PWP1: variants seen among roughly 807,000 people sequenced by gnomAD.
PWP1 encodes the protein PWP1 homolog, endonuclein.
In PWP1, 47 loss-of-function variants were observed where a neutral mutation model predicts 69.9. That is an observed-to-expected ratio of 0.67 (90% CI 0.53 to 0.86). The LOEUF (loss-of-function observed/expected upper bound fraction) is 0.86. PWP1 is among the 40% of genes least tolerant of loss of function. PWP1 has a pLI of 0.00. For missense variants in PWP1, 551 were observed against 608.8 expected, an observed-to-expected ratio of 0.91 and a Z score of 1.00; for synonymous variants, 222 against 208.2, an observed-to-expected ratio of 1.07 and a Z score of -0.57.
chr12:107,708,585 T>G (rs3825257), intron 11 of PWP1, among the ~76,000 whole-genome samples: 1 of 152,004 alleles, frequency 6.6e-6, no homozygotes, highest in African/African-American at 2.4e-5. Flanking sequence ...CCTCTCTGAC[T>G]CACTTCTGTG....
chr12:107,692,710 A>G, intron 3 of PWP1, 104 bp from the exon 4 acceptor site: 3 of 964,122 alleles, frequency 3.1e-6, no homozygotes, highest in Non-Finnish European at 4.6e-6. Flanking sequence ...AGAGTTAGTT[A>G]TAAAATAGAT....
chr12:107,704,207 C>T (rs1889768305), intron 10 of PWP1, among the ~76,000 whole-genome samples: 1 of 152,190 alleles, frequency 6.6e-6, no homozygotes, highest in African/African-American at 2.4e-5. Context: ...GATATGTTTA[C>T]ATTTCTTGTG....
intron 11 of PWP1, among the ~76,000 whole-genome samples, chr12:107,707,756 G>A (rs1317367074): frequency 6.6e-6 from 1 of 152,138 alleles, no homozygotes; most frequent in Non-Finnish European, 1.5e-5. Context: ...AAGCCCACTT[G>A]ATCATGGTGG....
chr12:107,687,172 T>C (rs1458362819), intron 1 of PWP1, among the ~76,000 whole-genome samples: 1 of 152,072 alleles, frequency 6.6e-6, no homozygotes, highest in East Asian at 1.9e-4. Flanking sequence ...GAATGACGGA[T>C]TGGAGTAGTC....
At chr12:107,698,344 G>A (rs751371760) in intron 7 of PWP1, among the ~76,000 whole-genome samples, 5 of 151,896 alleles carry the variant, frequency 3.3e-5, no homozygotes, top group African/African-American at 9.7e-5. Context: ...GTGACAGAGC[G>A]AGACTCTGTC....
At chr12:107,694,510 G>T (rs757877458) in intron 5 of PWP1, among the ~76,000 whole-genome samples, 3 of 152,284 alleles carry the variant, frequency 2.0e-5, no homozygotes, top group Middle Eastern at 3.4e-3. Flanking sequence ...CTATAGATTA[G>T]GCCCATTTTA....
At chr12:107,708,898 G>T in intron 11 of PWP1, 28 bp from the exon 12 acceptor site, 2 of 1,594,804 alleles carry the variant, frequency 1.3e-6, no homozygotes, top group South Asian at 1.1e-5. Context: ...GACGTAGCAT[G>T]ACCTTGCCCA....
rs543920809 is a variant in PWP1, at chr12:107,709,145, C to A, written c.1203C>A (p.Leu401=). 3.1e-6 allele frequency: 5 copies of A among 1,613,860 alleles called. No homozygotes were observed. The highest frequency in any genetic ancestry group is 4.2e-6 in the Non-Finnish European group (5 of 1,179,920). Residue 401 remains leucine (L), a synonymous_variant, in exon 13 of 15, where the codon CTC becomes CTA. Transcript: ENST00000412830. ...LDLSSQIKGC[L]VTASADKYVK... is the part of the protein sequence containing the mutation. ...TTAGCAGTCAAATCAAGGGCTGTCT[C>A]GTGACTGCTTCAGCTGACAAATACG...
chr12:107,693,288 G>A (rs757463509), intron 5 of PWP1, among the ~76,000 whole-genome samples, 192 bp downstream of exon 5: 4 of 151,926 alleles, frequency 2.6e-5, no homozygotes, highest in Non-Finnish European at 5.9e-5. Context: ...CATCACTTTG[G>A]TATCTGAATT....
intron 13 of PWP1, 32 bp from the exon 14 acceptor site, chr12:107,710,373 T>C (rs767732374): frequency 6.1e-5 from 98 of 1,610,126 alleles, no homozygotes; most frequent in Non-Finnish European, 7.6e-5. Flanking sequence ...TCTGAAGAGA[T>C]TGAAATCACC....
At position 107,696,455 on chromosome 12, in the gene PWP1, CTT is replaced by C. The variant is rs1388060450; in HGVS notation, c.503-16_503-15del. On this transcript the variant is annotated splice_polypyrimidine_tract_variant and intron_variant, in intron 5 of 14. Transcript: ENST00000412830. The stretch of plus-strand genomic sequence containing the variant: ...GACTCATTCTGATACATTAAAGTCT[CTT>C]TTCCCAATCTTTTCAGTTTATAATC... The C allele has an allele frequency of 2.5e-6, 4 of 1,607,716 alleles. No individual in the cohort carries two copies. The highest frequency in any genetic ancestry group is 3.4e-6 in the Non-Finnish European group (4 of 1,178,258).
rs535533104 is a variant in PWP1, at chr12:107,687,374, A to G, written c.73-1074A>G. Among the ~76,000 whole-genome samples the G allele has an allele frequency of 1.1e-3, 160 of 152,224 alleles. 2 individuals are homozygous for G. The highest frequency in any genetic ancestry group is 0.01 in the Admixed American group (159 of 15,290). ...TCAAATACTTGAAGACTGATTTCCAAATGAATCTACACATTGAAAATCTCA... is the reference window on the plus strand; with the variant it reads ...TCAAATACTTGAAGACTGATTTCCAGATGAATCTACACATTGAAAATCTCA... On this transcript the variant is annotated intron_variant, in intron 1 of 14. Coordinates refer to ENST00000412830, the MANE Select transcript of PWP1 (RefSeq NM_007062.3).
intron 3 of PWP1, among the ~76,000 whole-genome samples, chr12:107,691,789 C>T (rs144046612): frequency 6.6e-6 from 1 of 152,122 alleles, no homozygotes; most frequent in African/African-American, 2.4e-5. Flanking sequence ...ATGTTCATTC[C>T]TCCGTTTTCC....
rs572885906 is a variant in PWP1, at chr12:107,689,575, G to A, written c.319+773G>A. On this transcript the variant is annotated intron_variant, in intron 3 of 14. Coordinates refer to ENST00000412830, the MANE Select transcript of PWP1 (RefSeq NM_007062.3). ...AGCCGGGCCAACATGGCGAAACCCTGTCTCTACTAAAAATACAAAACTTAG... is the reference window on the plus strand; with the variant it reads ...AGCCGGGCCAACATGGCGAAACCCTATCTCTACTAAAAATACAAAACTTAG... Among the ~76,000 whole-genome samples the A allele has an allele frequency of 9.9e-5, 15 of 152,262 alleles. No individual in the cohort carries two copies. The South Asian group carries it at 3.1e-3, about 32-fold the overall frequency.
intron 7 of PWP1, 136 bp downstream of exon 7, chr12:107,697,733 T>TATA: frequency 1.1e-6 from 1 of 913,672 alleles, no homozygotes; most frequent in African/African-American, 1.6e-5. Context: ...GAAATTATTG[T>TATA]AATTTTTAGT....
At chr12:107,702,148 T>G (rs1293402952) in intron 8 of PWP1, among the ~76,000 whole-genome samples, 2 of 152,254 alleles carry the variant, frequency 1.3e-5, no homozygotes, top group Non-Finnish European at 2.9e-5. Flanking sequence ...CAGTAAGTTT[T>G]GATGCCAGGA....
intron 1 of PWP1, among the ~76,000 whole-genome samples, 178 bp from the exon 2 acceptor site, chr12:107,688,270 T>C (rs528293549): frequency 6.8e-6 from 1 of 147,396 alleles, no homozygotes; most frequent in African/African-American, 2.4e-5. Context: ...AGAGATCTTA[T>C]TTGTAAGAAT....
At chr12:107,701,576 T>C (rs1004304184) in intron 8 of PWP1, among the ~76,000 whole-genome samples, 5 of 152,224 alleles carry the variant, frequency 3.3e-5, no homozygotes, top group Non-Finnish European at 5.9e-5. Context: ...AGCTCTTACA[T>C]TGAAGTCTAT....
In PWP1 at chr12:107,709,092, T is replaced by TA; in HGVS notation, c.1169-16dup. ...ATCTGTATTTCAAAGCGAAAGTGTC[T>TA]AAACTTATCTTCCTTTAGGTCTTGA... On this transcript the variant is annotated intron_variant, in intron 12 of 14. Transcript: ENST00000412830. The TA allele has an allele frequency of 6.2e-7, 1 of 1,613,906 alleles. No individual in the cohort carries two copies. Among genetic ancestry groups the TA allele is most frequent in the Non-Finnish European group, 8.5e-7 (1 of 1,179,860 alleles).
Sources: gnomAD v4.1 joint callset for allele counts (sites outside exome capture counted in the v4.1 genomes callset) on GRCh38, gnomAD v4.1.1 for gene constraint, MANE v1.5 for transcripts, NCBI Gene and HGNC (gene_info 2026-07-23, HGNC 2026-07-21) for gene names.